WDPCP: variants seen among roughly 807,000 people sequenced by gnomAD.
The protein encoded by WDPCP is WD repeat containing planar cell polarity effector, also known as WD repeat-containing and planar cell polarity effector protein fritz homolog.
Under a neutral mutation model 93.1 loss-of-function variants are expected in WDPCP, and 71 were observed. That is an observed-to-expected ratio of 0.76 (90% CI 0.63 to 0.93). WDPCP has a LOEUF of 0.93. Ranked by LOEUF, WDPCP falls within the 40% of genes least tolerant of loss-of-function variation. The probability of loss-of-function intolerance (pLI) is 0.00; values close to 1 mark genes in which losing one functional copy is unlikely to be tolerated. For synonymous variants in WDPCP, 315 were observed against 315.0 expected, an observed-to-expected ratio of 1.00 and a Z score of 0.00; for missense variants, 844 against 887.4, an observed-to-expected ratio of 0.95 and a Z score of 0.62.
At chr2:63,207,326 C>G (rs576761856) in intron 14 of WDPCP, among the ~76,000 whole-genome samples, 7 of 152,216 alleles carry the variant, frequency 4.6e-5, no homozygotes, top group African/African-American at 1.7e-4. Context: ...AGCACCTCCC[C>G]CTTCACTCTC....
chr2:63,379,570 C>G (rs1233384783), intron 11 of WDPCP, among the ~76,000 whole-genome samples: 3 of 152,094 alleles, frequency 2.0e-5, no homozygotes, highest in Non-Finnish European at 4.4e-5. Flanking sequence ...ATTCTCTTGC[C>G]ATTGCTTGTT....
rs373387599 is a variant in WDPCP at position 63,404,428 on chromosome 2, A to T, written c.1055T>A (p.Leu352Gln). ...CGAAGAATCTTCACAGCCCAGAATC[A>T]GTTTGTCTTCAGTAACATTCCTGCA... ...SCCRNVTEDK[L>Q]ILGCEDSSLI... The change falls in exon 10 of 18, where the codon CTG becomes CAG. Residue 352 changes from leucine to glutamine, a missense_variant. By Grantham distance (113) the Leu-to-Gln change is moderately radical (BLOSUM62 -2). Coordinates refer to ENST00000272321, the MANE Select transcript of WDPCP (RefSeq NM_015910.7). The T allele has an allele frequency of 1.2e-5, 19 of 1,614,040 alleles. No individual in the cohort carries two copies. The African/African-American group carries it at 2.5e-4, about 22-fold the overall frequency.
chr2:63,589,034 G>C (rs1462620117), upstream of WDPCP: 2 of 1,614,238 alleles, frequency 1.2e-6, no homozygotes, highest in South Asian at 2.2e-5. Context: ...TGTCCCCGCA[G>C]TTTTCAATCA....
chr2:63,254,093 A>G (rs1175928243), intron 14 of WDPCP, among the ~76,000 whole-genome samples: 2 of 152,222 alleles, frequency 1.3e-5, no homozygotes, highest in Non-Finnish European at 2.9e-5. Context: ...ACATAGTTGT[A>G]GCTGGAAGCC....
At chr2:63,830,839 A>G (rs2104169231), upstream of WDPCP, among the ~76,000 whole-genome samples, 1 of 152,196 alleles carries the variant, frequency 6.6e-6, no homozygotes, top group East Asian at 1.9e-4. Context: ...TCTTCTCCCT[A>G]TATGCTCTTA....
intron 12 of WDPCP, among the ~76,000 whole-genome samples, chr2:63,342,767 C>A (rs972826792): frequency 2.0e-5 from 3 of 152,132 alleles, no homozygotes; most frequent in African/African-American, 4.8e-5. Flanking sequence ...AACTTACAAT[C>A]TAAAAATACA....
chr2:63,281,994 A>C (rs956651132), intron 13 of WDPCP, among the ~76,000 whole-genome samples: 4 of 152,162 alleles, frequency 2.6e-5, no homozygotes. Context: ...AAATAAAATG[A>C]ACCATACCAC....
intron 12 of WDPCP, among the ~76,000 whole-genome samples, chr2:63,374,524 T>C (rs1174742127): frequency 1.3e-5 from 2 of 152,184 alleles, no homozygotes; most frequent in African/African-American, 4.8e-5. Flanking sequence ...AAATGTTGTA[T>C]TTACTATATA....
At position 63,343,039 on chromosome 2, in the gene WDPCP, C is replaced by G. The variant is rs1306155291; in HGVS notation, c.1749-29728G>C. On this transcript the variant is annotated intron_variant, in intron 12 of 17. Transcript: ENST00000272321. ...TTTTTCTTTGAGACAGAGTCTTACT[C>G]TGTTACCCAGGCTGGAGTGCAGTGG... Among the ~76,000 whole-genome samples, 4 of 151,726 alleles carry G rather than the reference C, an allele frequency of 2.6e-5. No homozygotes were observed. The East Asian group carries it at 7.8e-4, about 29-fold the overall frequency.
rs186710505 is a variant in WDPCP, at chr2:63,809,071, G to A, written n.308+4551C>T. 5.8e-3 allele frequency among the ~76,000 whole-genome samples: 879 copies of A among 150,436 alleles called. 13 individuals are homozygous for A. Among genetic ancestry groups the A allele is most frequent in the African/African-American group, 0.02 (821 of 40,680 alleles). On this transcript the variant is annotated intron_variant and non_coding_transcript_variant, in intron 2 of 4. Coordinates refer to the WDPCP transcript ENST00000467687. Reference sequence around the variant, plus strand: ...AGGTGAGGAGCGTCTCTGACCGGCCGCCCCGTCTGAGAAGTGAGGAGTCCC... The same window carrying A: ...AGGTGAGGAGCGTCTCTGACCGGCCACCCCGTCTGAGAAGTGAGGAGTCCC...
intron 15 of WDPCP, among the ~76,000 whole-genome samples, chr2:63,154,552 G>T (rs1432786497): frequency 6.6e-6 from 1 of 152,140 alleles, no homozygotes; most frequent in African/African-American, 2.4e-5. Flanking sequence ...TTCACCTGTT[G>T]AAGGGTATTT....
upstream of WDPCP, among the ~76,000 whole-genome samples, chr2:63,831,588 T>C (rs953116467): frequency 1.3e-5 from 2 of 152,178 alleles, no homozygotes; most frequent in Non-Finnish European, 2.9e-5. Context: ...ACTAGTGATA[T>C]TTGAATTGTA....
chr2:63,783,468 G>T (rs1275521783), intron 2 of WDPCP, among the ~76,000 whole-genome samples: 1 of 152,000 alleles, frequency 6.6e-6, no homozygotes, highest in Non-Finnish European at 1.5e-5. Context: ...CATAGCTGTA[G>T]TCATATGTTT....
chr2:63,201,677 G>A (rs1402741337), intron 14 of WDPCP, among the ~76,000 whole-genome samples: 1 of 152,074 alleles, frequency 6.6e-6, no homozygotes, highest in Admixed American at 6.5e-5. Context: ...TATTATTGTG[G>A]GGGGAGCACT....
intron 13 of WDPCP, among the ~76,000 whole-genome samples, chr2:63,296,469 T>G (rs1374278398): frequency 6.6e-6 from 1 of 152,056 alleles, no homozygotes; most frequent in Non-Finnish European, 1.5e-5. Flanking sequence ...GAGAAAGAAA[T>G]AAAACGTATC....
At chr2:63,313,886 A>ATGTGTGTGTGTATATATATATTT in intron 12 of WDPCP, among the ~76,000 whole-genome samples, 2 of 74,502 alleles carry the variant, frequency 2.7e-5, no homozygotes, top group East Asian at 3.9e-4. Flanking sequence ...ATATATATAT[A>ATGTGTGTGTGTATATATATATTT]TTTTTTTTTT....
chr2:63,491,639 C>T (rs1700885829), intron 2 of WDPCP, among the ~76,000 whole-genome samples: 1 of 152,128 alleles, frequency 6.6e-6, no homozygotes, highest in Non-Finnish European at 1.5e-5. Context: ...TTCAGCAGGT[C>T]GTCTTCTACT....
chr2:63,702,877 C>T (rs191587936), intron 2 of WDPCP, among the ~76,000 whole-genome samples: 1 of 152,068 alleles, frequency 6.6e-6, no homozygotes, highest in Non-Finnish European at 1.5e-5. Flanking sequence ...CCCTCTCCCC[C>T]CACCCCACAA....
At position 63,538,930 on chromosome 2, in the gene WDPCP, G is replaced by A. The variant is rs535694984; in HGVS notation, c.76-45990C>T. ...TAAGGTGACTTGCAAAATAACTGTG[G>A]TTAGTGAAAATATTTTCAAAACAAT... On this transcript the variant is annotated intron_variant, in intron 1 of 17. Transcript: ENST00000272321. Among the ~76,000 whole-genome samples, 180 of 152,142 alleles carry A rather than the reference G, an allele frequency of 1.2e-3. No homozygotes were observed. In the South Asian group the frequency reaches 0.012, roughly 10 times the overall value.
Sources: gnomAD v4.1 joint callset for allele counts (sites outside exome capture counted in the v4.1 genomes callset) on GRCh38, gnomAD v4.1.1 for gene constraint, MANE v1.5 for transcripts, NCBI Gene and HGNC (gene_info 2026-07-23, HGNC 2026-07-21) for gene names.